PPP2R3A: variants seen among roughly 807,000 people sequenced by gnomAD.
PPP2R3A encodes protein phosphatase 2 regulatory subunit B''alpha.
PPP2R3A carries 80 observed loss-of-function variants against 106.9 expected under a neutral mutation model. That is an observed-to-expected ratio of 0.75 (90% confidence interval 0.62 to 0.90). The LOEUF is 0.90. Ranked by LOEUF, PPP2R3A falls within the 40% of genes least tolerant of loss-of-function variation. PPP2R3A has a pLI of 0.00. For missense variants in PPP2R3A, 1,386 were observed against 1,350.4 expected, an observed-to-expected ratio of 1.03 and a Z score of -0.41; for synonymous variants, 483 against 468.3, an observed-to-expected ratio of 1.03 and a Z score of -0.41.
At chr3:136,056,505 A>T (rs942884026) in intron 5 of PPP2R3A, among the ~76,000 whole-genome samples, 2 of 152,108 alleles carry the variant, frequency 1.3e-5, no homozygotes, top group African/African-American at 4.8e-5. Context: ...CAGTTATTTT[A>T]AAAAGTACTA....
At position 136,027,701 on chromosome 3, in the gene PPP2R3A, A is replaced by G. The variant is rs546151941; in HGVS notation, c.2262+603A>G. On this transcript the variant is annotated intron_variant, in intron 3 of 13. Transcript: ENST00000264977. ...ATTATATTTGATTATGCCATTTCCC[A>G]ATTTAGCAATATTCAAGAATTCCCA... Among the ~76,000 whole-genome samples, 5 of 152,298 alleles carry G rather than the reference A, an allele frequency of 3.3e-5. No individual in the cohort carries two copies. In the East Asian group the frequency reaches 9.6e-4, roughly 29 times the overall value.
chr3:136,027,989 A>G (rs1011676953), intron 3 of PPP2R3A, among the ~76,000 whole-genome samples: 3 of 152,224 alleles, frequency 2.0e-5, no homozygotes, highest in Non-Finnish European at 4.4e-5. Context: ...TCTTCAGGAT[A>G]AACCTCAAAC....
intron 13 of PPP2R3A, among the ~76,000 whole-genome samples, chr3:136,135,218 C>T (rs531039295): frequency 5.9e-5 from 9 of 152,168 alleles, no homozygotes; most frequent in African/African-American, 2.2e-4. Flanking sequence ...GCTCTTGCTG[C>T]TTGCTGGATA....
chr3:136,114,023 G>A (rs922898772), intron 13 of PPP2R3A, among the ~76,000 whole-genome samples: 1 of 151,796 alleles, frequency 6.6e-6, no homozygotes, highest in African/African-American at 2.4e-5. Context: ...CAGCCAGATC[G>A]ACACAGAAGG....
At chr3:135,974,311 C>CAACT (rs1460790262) in intron 1 of PPP2R3A, among the ~76,000 whole-genome samples, 3 of 152,194 alleles carry the variant, frequency 2.0e-5, no homozygotes, top group African/African-American at 7.2e-5. Context: ...TATACACCAA[C>CAACT]AACTACATGC....
At chr3:136,009,356 A>G (rs1933964444) in intron 2 of PPP2R3A, among the ~76,000 whole-genome samples, 1 of 151,226 alleles carries the variant, frequency 6.6e-6, no homozygotes, top group South Asian at 2.1e-4. Flanking sequence ...GCTATCCACT[A>G]CCTCTTCTGA....
chr3:135,977,630 AAATTATTTTAAGATGCTC>A (rs1267226439), intron 1 of PPP2R3A, among the ~76,000 whole-genome samples: 1 of 151,656 alleles, frequency 6.6e-6, no homozygotes, highest in African/African-American at 2.4e-5. Context: ...TAATTGTGCT[AAATTATTTTAAGATGCTC>A]TTTATTAAAT....
chr3:136,074,874 T>A lies in PPP2R3A; in HGVS notation c.2545-3493T>A, dbSNP rs545289820. On this transcript the variant is annotated intron_variant, in intron 6 of 13. Transcript: ENST00000264977. ...TTTCCTCTTAAGAGAGAAAAAAAAA[T>A]TTTTGTTAGATATATTTTTTAAAGT... is the stretch of plus-strand genomic sequence containing the variant. Among the ~76,000 whole-genome samples, 101 of 152,086 alleles carry A rather than the reference T, an allele frequency of 6.6e-4. 1 individual carries two copies. Among genetic ancestry groups the A allele is most frequent in the African/African-American group, 1.7e-3 (72 of 41,470 alleles).
chr3:135,985,464 C>T (rs1051328028), intron 1 of PPP2R3A, among the ~76,000 whole-genome samples: 11 of 151,802 alleles, frequency 7.2e-5, no homozygotes, highest in Admixed American at 2.6e-4. Context: ...CTCTTCCCTA[C>T]CTAAGGAATA....
intron 3 of PPP2R3A, among the ~76,000 whole-genome samples, chr3:136,036,717 A>G (rs1226457675): frequency 6.6e-6 from 1 of 152,058 alleles, no homozygotes; most frequent in African/African-American, 2.4e-5. Context: ...GAAAATTCTC[A>G]CTGCAAGCCT....
At chr3:136,143,100 T>C (rs572551859) in intron 13 of PPP2R3A, among the ~76,000 whole-genome samples, 1 of 152,374 alleles carries the variant, frequency 6.6e-6, no homozygotes, top group East Asian at 1.9e-4. Flanking sequence ...GAACAAATTA[T>C]AACTTTTGAC....
At chr3:136,112,229 G>C (rs1191374698) in intron 13 of PPP2R3A, among the ~76,000 whole-genome samples, 2 of 152,176 alleles carry the variant, frequency 1.3e-5, no homozygotes, top group Non-Finnish European at 2.9e-5. Flanking sequence ...TTGAGACCCA[G>C]AAGAAGATAA....
At chr3:136,134,869 T>G (rs1046458741) in intron 13 of PPP2R3A, among the ~76,000 whole-genome samples, 3 of 152,154 alleles carry the variant, frequency 2.0e-5, no homozygotes, top group Non-Finnish European at 4.4e-5. Context: ...TTTATCACTT[T>G]GGAGTATACC....
intron 2 of PPP2R3A, among the ~76,000 whole-genome samples, chr3:136,013,182 G>A (rs1934147188): frequency 1.6e-5 from 2 of 121,474 alleles, no homozygotes; most frequent in South Asian, 2.8e-4. Context: ...GTGTGTGTGT[G>A]TATGTATGTA....
At chr3:136,027,383 A>C (rs918577247) in intron 3 of PPP2R3A, among the ~76,000 whole-genome samples, 1 of 152,070 alleles carries the variant, frequency 6.6e-6, no homozygotes, top group South Asian at 2.1e-4. Context: ...CTATTGTCAA[A>C]TACTTGTTTG....
intron 13 of PPP2R3A, among the ~76,000 whole-genome samples, chr3:136,131,299 A>T (rs978778025): frequency 6.6e-6 from 1 of 152,166 alleles, no homozygotes; most frequent in African/African-American, 2.4e-5. Context: ...AAATCTACAA[A>T]GAACTCAAAC....
At chr3:136,040,218 C>A (rs1411395726) in intron 3 of PPP2R3A, among the ~76,000 whole-genome samples, 2 of 152,166 alleles carry the variant, frequency 1.3e-5, no homozygotes, top group African/African-American at 4.8e-5. Flanking sequence ...TCAGTCATTT[C>A]TTTTTCTTTC....
intron 6 of PPP2R3A, among the ~76,000 whole-genome samples, chr3:136,076,711 G>A (rs2107919882): frequency 6.6e-6 from 1 of 152,340 alleles, no homozygotes; most frequent in South Asian, 2.1e-4. Flanking sequence ...CACTTTGGGA[G>A]GCCGAGGCGG....
intron 13 of PPP2R3A, among the ~76,000 whole-genome samples, chr3:136,115,183 TA>T (rs1937696690): frequency 6.6e-6 from 1 of 152,238 alleles, no homozygotes; most frequent in Admixed American, 6.5e-5. Context: ...GCCTGACTGT[TA>T]GAAGGAAAAC....
Sources: allele counts gnomAD v4.1 joint callset (sites outside exome capture counted in the v4.1 genomes callset), GRCh38; gene constraint gnomAD v4.1.1; transcripts MANE v1.5; gene names NCBI Gene and HGNC (gene_info 2026-07-23, HGNC 2026-07-21).